ABCC9: variants seen among roughly 807,000 people sequenced by gnomAD.
ABCC9 encodes the protein ATP-binding cassette sub-family C member 9.
In ABCC9, 95 loss-of-function variants were observed where a neutral mutation model predicts 188.3. The observed-to-expected ratio is 0.50, with a 90% confidence interval of 0.43 to 0.60. ABCC9 has a LOEUF of 0.60. Ranked by LOEUF, ABCC9 falls within the 20% of genes least tolerant of loss-of-function variation. The pLI, the probability that ABCC9 is intolerant of heterozygous loss-of-function variation, is 0.00. For missense variants in ABCC9, 1,102 were observed against 1,876.3 expected, an observed-to-expected ratio of 0.59 and a Z score of 7.62; for synonymous variants, 659 against 652.7, an observed-to-expected ratio of 1.01 and a Z score of -0.15.
chr12:21,853,588 A>G (rs1247989518), intron 22 of ABCC9, among the ~76,000 whole-genome samples: 2 of 152,084 alleles, frequency 1.3e-5, no homozygotes, highest in Non-Finnish European at 2.9e-5. Context: ...ACTCACATTA[A>G]TTGTCTTTTT....
intron 24 of ABCC9, among the ~76,000 whole-genome samples, chr12:21,849,360 C>A (rs934155485): frequency 1.3e-5 from 2 of 151,960 alleles, no homozygotes; most frequent in African/African-American, 4.8e-5. Context: ...AGAGTGAAAA[C>A]AAAAATGTCT....
chr12:21,849,208 G>C (rs1014560996), intron 24 of ABCC9, among the ~76,000 whole-genome samples: 4 of 152,020 alleles, frequency 2.6e-5, no homozygotes, highest in African/African-American at 9.7e-5. Flanking sequence ...CAGTTTTTCT[G>C]TTACATCAAA....
chr12:21,842,820 T>G (rs1944463010), intron 28 of ABCC9, among the ~76,000 whole-genome samples: 1 of 152,244 alleles, frequency 6.6e-6, no homozygotes, highest in African/African-American at 2.4e-5. Context: ...TTTTAATGGT[T>G]GCATAGTATT....
chr12:21,839,831 T>TG (rs1490783134), intron 29 of ABCC9, among the ~76,000 whole-genome samples: 1 of 152,154 alleles, frequency 6.6e-6, no homozygotes, highest in African/African-American at 2.4e-5. Context: ...CTTTTCAAAA[T>TG]GGAGTTTCTA....
intron 19 of ABCC9, among the ~76,000 whole-genome samples, chr12:21,863,998 T>C (rs560885712): frequency 6.6e-5 from 10 of 152,038 alleles, no homozygotes; most frequent in East Asian, 1.9e-4. Context: ...ACATGCCTGC[T>C]TTCCCCCCCA....
intron 29 of ABCC9, among the ~76,000 whole-genome samples, chr12:21,841,252 A>C (rs1944371617): frequency 1.3e-5 from 2 of 152,044 alleles, no homozygotes; most frequent in African/African-American, 4.8e-5. Flanking sequence ...TCAACATCTC[A>C]GTAAATGACA....
At chr12:21,898,046 A>C (rs898029148) in intron 12 of ABCC9, among the ~76,000 whole-genome samples, 2 of 152,186 alleles carry the variant, frequency 1.3e-5, no homozygotes, top group African/African-American at 4.8e-5. Flanking sequence ...TCATGCCTGT[A>C]ATCCCACCAC....
chr12:21,869,341 T>C (rs921727160), intron 18 of ABCC9, among the ~76,000 whole-genome samples: 1 of 152,236 alleles, frequency 6.6e-6, no homozygotes, highest in African/African-American at 2.4e-5. Context: ...TACATCAAAC[T>C]ACCTTCATCT....
intron 22 of ABCC9, among the ~76,000 whole-genome samples, chr12:21,858,811 C>T (rs555130806): frequency 5.3e-5 from 8 of 152,078 alleles, no homozygotes; most frequent in Admixed American, 1.3e-4. Context: ...AGTGAAGACT[C>T]TAAAAATGTT....
chr12:21,916,012 A>G (rs1168090583), intron 6 of ABCC9, 102 bp from the exon 7 acceptor site: 1 of 1,160,434 alleles, frequency 8.6e-7, no homozygotes, highest in Non-Finnish European at 1.2e-6. Context: ...TCAGGTGACC[A>G]AAATTTATAT....
intron 22 of ABCC9, among the ~76,000 whole-genome samples, chr12:21,855,315 G>A (rs1945163811): frequency 1.3e-5 from 2 of 152,154 alleles, no homozygotes; most frequent in Admixed American, 1.3e-4. Flanking sequence ...TGCCTCCTGG[G>A]TTCAAGCAAT....
chr12:21,923,776 T>G (rs891920478), intron 5 of ABCC9: 1 of 694,308 alleles, frequency 1.4e-6, no homozygotes, highest in Non-Finnish European at 2.6e-6. Context: ...CTTAGGTATT[T>G]ACCTAGGAGA....
At chr12:21,859,471 C>T (rs764902685) in intron 22 of ABCC9, 115 bp downstream of exon 22, 165 of 1,028,560 alleles carry the variant, frequency 1.6e-4, no homozygotes, top group Non-Finnish European at 2.1e-4. Flanking sequence ...ATATACTTTA[C>T]GATTTCACAA....
intron 13 of ABCC9, among the ~76,000 whole-genome samples, chr12:21,894,885 A>G (rs1045432310): frequency 6.6e-6 from 1 of 152,212 alleles, no homozygotes; most frequent in South Asian, 2.1e-4. Flanking sequence ...TCTTGTTGTA[A>G]GAGTATCTGG....
At chr12:21,914,787 C>T (rs368465163) in intron 7 of ABCC9, among the ~76,000 whole-genome samples, 1 of 152,092 alleles carries the variant, frequency 6.6e-6, no homozygotes, top group East Asian at 1.9e-4. Context: ...AAGTATACTT[C>T]ATTGGCTCTT....
At chr12:21,830,803 T>C (rs1337549470) in intron 30 of ABCC9, among the ~76,000 whole-genome samples, 1 of 152,164 alleles carries the variant, frequency 6.6e-6, no homozygotes, top group East Asian at 1.9e-4. Context: ...CATGCTGCCA[T>C]GCACAGGAGG....
At chr12:21,814,539 G>A (rs1225593797) in intron 35 of ABCC9, 105 bp downstream of exon 35, 6 of 944,264 alleles carry the variant, frequency 6.4e-6, no homozygotes, top group East Asian at 2.6e-5. Context: ...AGAGCACAAA[G>A]TCCTTATAAA....
At chr12:21,847,127 G>A (rs1944711805) in intron 25 of ABCC9, among the ~76,000 whole-genome samples, 1 of 152,032 alleles carries the variant, frequency 6.6e-6, no homozygotes, top group Non-Finnish European at 1.5e-5. Flanking sequence ...CATTTACCCT[G>A]TAAGCAAAGT....
chr12:21,840,488 C>G (rs923773140), intron 29 of ABCC9, among the ~76,000 whole-genome samples: 5 of 152,132 alleles, frequency 3.3e-5, no homozygotes, highest in Admixed American at 1.3e-4. Flanking sequence ...TTGTGATGGA[C>G]TAGGAATATT....
Sources: gnomAD v4.1 joint callset for allele counts (sites outside exome capture counted in the v4.1 genomes callset) on GRCh38, gnomAD v4.1.1 for gene constraint, MANE v1.5 for transcripts, NCBI Gene and HGNC (gene_info 2026-07-23, HGNC 2026-07-21) for gene names.